The following BANK1 variants were observed in gnomAD, a reference collection of about 807,000 sequenced individuals.
The protein encoded by BANK1 is B-cell scaffold protein with ankyrin repeats.
Under a neutral mutation model 94.5 loss-of-function variants are expected in BANK1, and 95 were observed. The observed-to-expected ratio is 1.00, with a 90% CI of 0.85 to 1.19. The LOEUF is 1.19. BANK1 is among the 50% of genes most tolerant of loss of function. The pLI is 0.00. For synonymous variants in BANK1, 334 were observed against 308.4 expected (o/e 1.08, Z -0.87); for missense variants, 987 against 932.2 (o/e 1.06, Z -0.77).
chr4:101,906,172 G>A (rs190672000), intron 6 of BANK1, among the ~76,000 whole-genome samples: 6 of 152,280 alleles, frequency 3.9e-5, no homozygotes, highest in Admixed American at 6.5e-5. Context: ...AGACAAGCTC[G>A]TGTAAGAGTG....
intron 7 of BANK1, among the ~76,000 whole-genome samples, chr4:101,934,805 A>G (rs1723473867): frequency 6.6e-6 from 1 of 151,522 alleles, no homozygotes; most frequent in Non-Finnish European, 1.5e-5. Context: ...CACTTTTACT[A>G]GGAGGAATTC....
chr4:102,011,701 C>T (rs1194896526), intron 7 of BANK1, among the ~76,000 whole-genome samples: 1 of 152,060 alleles, frequency 6.6e-6, no homozygotes, highest in African/African-American at 2.4e-5. Flanking sequence ...AATATTGTTT[C>T]TTCTACCAGA....
intron 10 of BANK1, among the ~76,000 whole-genome samples, chr4:102,035,945 CA>C (rs1727499976): frequency 6.6e-6 from 1 of 152,010 alleles, no homozygotes; most frequent in Non-Finnish European, 1.5e-5. Flanking sequence ...TAAGACAAAT[CA>C]GGGAAAGAAA....
chr4:101,994,569 A>G lies in BANK1; in HGVS notation c.1207-26945A>G, dbSNP rs1421173731. On this transcript the variant is annotated intron_variant, in intron 7 of 16. Coordinates refer to ENST00000322953, the MANE Select transcript of BANK1 (RefSeq NM_017935.5). ...AAAGGAAGTGGCTACATGCTGTTGT[A>G]CATGGTGCATGAAAATGGAATCAGA... is the stretch of plus-strand genomic sequence containing the variant. Among the ~76,000 whole-genome samples, 11 of 152,282 alleles carry G rather than the reference A, an allele frequency of 7.2e-5. 1 individual carries two copies. The highest frequency in any genetic ancestry group is 1.3e-4 in the Non-Finnish European group (9 of 68,016).
At chr4:101,980,660 A>G (rs553877378) in intron 7 of BANK1, among the ~76,000 whole-genome samples, 9 of 152,108 alleles carry the variant, frequency 5.9e-5, no homozygotes, top group East Asian at 3.9e-4. Flanking sequence ...TTATTTATAA[A>G]TTAAATTGAA....
intron 14 of BANK1, 117 bp downstream of exon 14, chr4:102,071,421 G>T: frequency 1.6e-5 from 16 of 1,007,176 alleles, no homozygotes; most frequent in East Asian, 2.5e-5. Flanking sequence ...CATTCACATA[G>T]ATTTTATATT....
chr4:101,903,964 A>T (rs1722362858), intron 6 of BANK1, among the ~76,000 whole-genome samples: 1 of 152,226 alleles, frequency 6.6e-6, no homozygotes. Context: ...CACAAAGTAT[A>T]TCATCCATAT....
At chr4:101,860,724 C>G (rs1378991809) in intron 3 of BANK1, among the ~76,000 whole-genome samples, 1 of 152,190 alleles carries the variant, frequency 6.6e-6, no homozygotes, top group East Asian at 1.9e-4. Context: ...AGCCACCGCA[C>G]CCGGCCCTGA....
At chr4:102,001,026 G>A (rs1033953407) in intron 7 of BANK1, among the ~76,000 whole-genome samples, 2 of 152,106 alleles carry the variant, frequency 1.3e-5, no homozygotes, top group Admixed American at 6.6e-5. Context: ...AGTGAGTGCT[G>A]GAATGGGAAA....
At chr4:101,994,709 T>A (rs1216210408) in intron 7 of BANK1, among the ~76,000 whole-genome samples, 1 of 152,170 alleles carries the variant, frequency 6.6e-6, no homozygotes, top group African/African-American at 2.4e-5. Context: ...AACCTGTATC[T>A]TTTGATTCCT....
At chr4:101,940,324 A>T (rs1391992668) in intron 7 of BANK1, among the ~76,000 whole-genome samples, 1 of 151,502 alleles carries the variant, frequency 6.6e-6, no homozygotes, top group Non-Finnish European at 1.5e-5. Context: ...TTTTAGATTT[A>T]AAAAAAGTTG....
chr4:102,001,039 C>A (rs2148936462), intron 7 of BANK1, among the ~76,000 whole-genome samples: 1 of 152,166 alleles, frequency 6.6e-6, no homozygotes, highest in East Asian at 1.9e-4. Context: ...ATGGGAAAGA[C>A]AAAGACCAAA....
chr4:101,830,052 T>C lies in BANK1; in HGVS notation c.315T>C (p.Leu105=), dbSNP rs1365249678. 1.2e-6 allele frequency: 2 copies of C among 1,613,878 alleles called. No individual in the cohort carries two copies. The highest frequency in any genetic ancestry group is 4.5e-5 in the East Asian group (2 of 44,802). ...AATGTCAGTTTCTGGAAAAGATACT[T>C]CATTCACCAAAAAGTGTAGTTACTT... The part of the protein sequence containing the change: ...PKKCQFLEKI[L]HSPKSVVTLL... The change falls in exon 2 of 17, where the codon CTT becomes CTC. Residue 105 remains leucine (L), a synonymous_variant. Coordinates refer to ENST00000322953, the MANE Select transcript of BANK1 (RefSeq NM_017935.5).
Position 102,051,923 on chromosome 4 carries a change from T to G in BANK1, c.1969+8016T>G, listed in dbSNP as rs572767066. Reference sequence around the variant, plus strand: ...TTAGATACATAGTGCCAGGGAATCATGTCCCGCCTCTATCGTGGCAGCTGC... The same window carrying G: ...TTAGATACATAGTGCCAGGGAATCAGGTCCCGCCTCTATCGTGGCAGCTGC... On this transcript the variant is annotated intron_variant, in intron 11 of 16. Transcript: ENST00000322953. Among the ~76,000 whole-genome samples the G allele has an allele frequency of 1.3e-4, 20 of 152,222 alleles. No individual in the cohort carries two copies. In the South Asian group the frequency reaches 2.5e-3, roughly 19 times the overall value.
chr4:101,882,552 T>C (rs1241369297), intron 5 of BANK1, among the ~76,000 whole-genome samples: 1 of 152,232 alleles, frequency 6.6e-6, no homozygotes, highest in Non-Finnish European at 1.5e-5. Flanking sequence ...ATATTGTTTT[T>C]CCTTTAATGG....
At position 102,060,309 on chromosome 4, in the gene BANK1, G is replaced by A. The variant is rs960814225; in HGVS notation, c.2068G>A (p.Gly690Arg). 6.2e-7 allele frequency: 1 copy of A among 1,610,568 alleles called. No individual in the cohort carries two copies. Among genetic ancestry groups the A allele is most frequent in the Non-Finnish European group, 8.5e-7 (1 of 1,178,810 alleles). The change falls in exon 12 of 17, where the codon GGG (glycine) becomes AGG (arginine). Residue 690 changes from glycine (G) to arginine (R), a missense_variant. By Grantham distance (125) the Gly-to-Arg change is moderately radical. Coordinates refer to ENST00000322953, the MANE Select transcript of BANK1 (RefSeq NM_017935.5). ...CCTCCTGCAGGAGAAAGTAAAGAATGGGAAAATGTCTATGGATGAAGCTCT... is the reference window on the plus strand; with the variant it reads ...CCTCCTGCAGGAGAAAGTAAAGAATAGGAAAATGTCTATGGATGAAGCTCT... ...LILLQEKVKN[G>R]KMSMDEALEK...
chr4:101,803,174 A>G (rs1194132910), intron 1 of BANK1, among the ~76,000 whole-genome samples: 3 of 152,190 alleles, frequency 2.0e-5, no homozygotes, highest in African/African-American at 7.2e-5. Flanking sequence ...TTAAATGGCA[A>G]CTAGTTCTTG....
chr4:101,834,786 T>C (rs933657155), intron 2 of BANK1, among the ~76,000 whole-genome samples: 4 of 152,104 alleles, frequency 2.6e-5, no homozygotes, highest in Non-Finnish European at 5.9e-5. Context: ...AAGAGAATGA[T>C]AACAATGCCA....
chr4:101,934,761 A>G (rs1012981184), intron 7 of BANK1, among the ~76,000 whole-genome samples: 1 of 151,592 alleles, frequency 6.6e-6, no homozygotes, highest in African/African-American at 2.4e-5. Context: ...AAGCACTATT[A>G]TGACTGCGCT....
Sources: gnomAD v4.1 joint callset for allele counts (sites outside exome capture counted in the v4.1 genomes callset) on GRCh38, gnomAD v4.1.1 for gene constraint, MANE v1.5 for transcripts, NCBI Gene and HGNC (gene_info 2026-07-23, HGNC 2026-07-21) for gene names.